The following EIF4EBP1 variants were observed in gnomAD, a reference collection of about 807,000 sequenced individuals.
The protein encoded by EIF4EBP1 is eukaryotic translation initiation factor 4E binding protein 1, also known as eukaryotic translation initiation factor 4E-binding protein 1.
Under a neutral mutation model 9.2 loss-of-function variants are expected in EIF4EBP1, and 5 were observed. That is an observed-to-expected ratio of 0.54 (90% confidence interval 0.28 to 1.14). EIF4EBP1 has a LOEUF of 1.14. EIF4EBP1 is among the 50% of genes most tolerant of loss of function. The pLI, the probability that EIF4EBP1 is intolerant of heterozygous loss-of-function variation, is 0.09. For missense variants in EIF4EBP1, 139 were observed against 169.6 expected (o/e 0.82, Z 1.00); for synonymous variants, 62 against 67.0 (o/e 0.93, Z 0.36).
chr8:38,049,320 GTGTATACCTGAAAATCCTATAAAGGA>G, intron 1 of EIF4EBP1, among the ~76,000 whole-genome samples: 1 of 151,898 alleles, frequency 6.6e-6, no homozygotes, highest in East Asian at 1.9e-4. Context: ...CCCTGTCCTT[GTGTATACCTGAAAATCCTATAAAGGA>G]TTTTCTCTTT....
intron 1 of EIF4EBP1, among the ~76,000 whole-genome samples, chr8:38,038,242 C>T (rs1809330272): frequency 6.6e-6 from 1 of 151,796 alleles, no homozygotes; most frequent in Admixed American, 6.6e-5. Flanking sequence ...GACACGGTGG[C>T]TCATGCCTGT....
At chr8:38,037,540 C>T (rs187629658) in intron 1 of EIF4EBP1, among the ~76,000 whole-genome samples, 9 of 151,964 alleles carry the variant, frequency 5.9e-5, no homozygotes, top group Admixed American at 3.9e-4. Flanking sequence ...GTCTCAATCT[C>T]CTGACCTTGT....
Position 38,060,174 on chromosome 8 carries a change from GC to G in EIF4EBP1, c.*241del. Reference sequence around the variant, plus strand: ...TGCCACCCCAAGGGGAGTGACCCCTGCCAGCACACCCTGCAGCCAAGGGCCA... The same window carrying G: ...TGCCACCCCAAGGGGAGTGACCCCTGCAGCACACCCTGCAGCCAAGGGCCA... On this transcript the variant is annotated 3_prime_UTR_variant, in exon 3 of 3. Coordinates refer to ENST00000338825, the MANE Select transcript of EIF4EBP1 (RefSeq NM_004095.4). 1 of 590,902 alleles carries G rather than the reference GC, an allele frequency of 1.7e-6. No homozygotes were observed. Among genetic ancestry groups the G allele is most frequent in the Non-Finnish European group, 3.0e-6 (1 of 330,292 alleles). 36.6% of individuals were successfully genotyped at this position (590,902 alleles called of 1,614,324 possible). A position where few individuals can be genotyped will look rare whatever the true frequency, so the allele number is the denominator to read the frequency against.
chr8:38,032,990 A>G (rs918358118), intron 1 of EIF4EBP1, among the ~76,000 whole-genome samples: 1 of 149,658 alleles, frequency 6.7e-6, no homozygotes, highest in African/African-American at 2.5e-5. Context: ...TGGGGGCTTC[A>G]TTTAAGTGCA....
intron 1 of EIF4EBP1, among the ~76,000 whole-genome samples, chr8:38,049,340 TA>T (rs1230728459): frequency 1.3e-5 from 2 of 152,010 alleles, no homozygotes; most frequent in East Asian, 3.8e-4. Context: ...GAAAATCCTA[TA>T]AAGGATTTTC....
intron 1 of EIF4EBP1, among the ~76,000 whole-genome samples, chr8:38,035,520 ATTATT>A (rs113130853): frequency 1.3e-5 from 2 of 150,308 alleles, no homozygotes; most frequent in African/African-American, 4.9e-5. Context: ...ACCCGGCCTT[ATTATT>A]TTATTTTATT....
intron 1 of EIF4EBP1, chr8:38,047,391 G>A (rs954713002): frequency 2.6e-5 from 4 of 152,110 alleles, no homozygotes; most frequent in African/African-American, 7.2e-5. Context: ...CAAATATGTG[G>A]GTAAGGATTA....
chr8:38,030,728 G>T lies in EIF4EBP1; in HGVS notation c.145+10G>T. 2.9e-6 allele frequency: 4 copies of T among 1,385,190 alleles called. No homozygotes were observed. Among genetic ancestry groups the T allele is most frequent in the Non-Finnish European group, 3.7e-6 (4 of 1,075,836 alleles). The allele number at this position is 1,385,190 out of a possible 1,614,324, so 85.8% of individuals were successfully genotyped here. A position where few individuals can be genotyped will look rare whatever the true frequency, so the allele number is the denominator to read the frequency against. The stretch of plus-strand genomic sequence containing the variant: ...AGCACCACCCCGGGAGGTAGGCGCG[G>T]GCTTGGCGACGCCGCTTGCCGGCTC... On this transcript the variant is annotated intron_variant, in intron 1 of 2. Coordinates refer to ENST00000338825, the MANE Select transcript of EIF4EBP1 (RefSeq NM_004095.4).
intron 1 of EIF4EBP1, among the ~76,000 whole-genome samples, chr8:38,036,431 C>T (rs571266038): frequency 1.4e-4 from 21 of 152,132 alleles, no homozygotes; most frequent in African/African-American, 3.9e-4. Context: ...GAGACTCACT[C>T]GAACGATTCT....
intron 1 of EIF4EBP1, among the ~76,000 whole-genome samples, chr8:38,042,607 G>C (rs896589672): frequency 2.0e-5 from 3 of 152,146 alleles, no homozygotes; most frequent in Non-Finnish European, 4.4e-5. Flanking sequence ...CTGCACATGG[G>C]CCTTCCTCTG....
chr8:38,052,820 T>G (rs1306102366), intron 1 of EIF4EBP1, among the ~76,000 whole-genome samples: 5 of 152,004 alleles, frequency 3.3e-5, no homozygotes, highest in African/African-American at 9.6e-5. Flanking sequence ...CCCAAAGTGC[T>G]GGGATTGCAG....
At position 38,046,120 on chromosome 8, in the gene EIF4EBP1, C is replaced by A. The variant is rs147692013; in HGVS notation, c.146-10961C>A. On this transcript the variant is annotated intron_variant, in intron 1 of 2. Transcript: ENST00000338825. ...GTTTCACCATGTTGGTCAGGCTGGT[C>A]TCAAACTCCTGACCTCAAGTGATCC... Among the ~76,000 whole-genome samples the A allele has an allele frequency of 3.7e-3, 563 of 152,246 alleles. 7 individuals are homozygous for A. Among genetic ancestry groups the A allele is most frequent in the African/African-American group, 0.013 (539 of 41,542 alleles).
Position 38,050,506 on chromosome 8 carries a change from C to T in EIF4EBP1, c.146-6575C>T, listed in dbSNP as rs578025256. 5.3e-5 allele frequency among the ~76,000 whole-genome samples: 8 copies of T among 152,124 alleles called. 1 individual carries two copies. Among genetic ancestry groups the T allele is most frequent in the South Asian group, 2.1e-4 (1 of 4,820 alleles). ...CTGGAACTACAGACGTGTGCCACCA[C>T]GCTTGGCTAATTTTTGTCTTTTTTG... On this transcript the variant is annotated intron_variant, in intron 1 of 2. Transcript: ENST00000338825.
intron 2 of EIF4EBP1, 101 bp from the exon 3 acceptor site, chr8:38,059,803 T>C: frequency 3.7e-6 from 4 of 1,088,710 alleles, no homozygotes; most frequent in Non-Finnish European, 5.5e-6. Flanking sequence ...TCTTTATAAA[T>C]TACCCAACCT....
At chr8:38,031,292 G>C (rs1172310717) in intron 1 of EIF4EBP1, among the ~76,000 whole-genome samples, 1 of 151,994 alleles carries the variant, frequency 6.6e-6, no homozygotes, top group Admixed American at 6.6e-5. Flanking sequence ...GGATCTCCGC[G>C]GGGGGGACCC....
At chr8:38,033,525 T>C (rs1272013626) in intron 1 of EIF4EBP1, among the ~76,000 whole-genome samples, 1 of 151,810 alleles carries the variant, frequency 6.6e-6, no homozygotes, top group Non-Finnish European at 1.5e-5. Flanking sequence ...CTTTGATCTC[T>C]AAATCGTGGT....
At chr8:38,033,238 G>A (rs1313812346) in intron 1 of EIF4EBP1, among the ~76,000 whole-genome samples, 1 of 151,392 alleles carries the variant, frequency 6.6e-6, no homozygotes, top group Non-Finnish European at 1.5e-5. Context: ...GCTGATTTTT[G>A]TATTTTTTGG....
chr8:38,057,090 T>C lies in EIF4EBP1; in HGVS notation c.155T>C (p.Ile52Thr). 4 of 1,614,128 alleles carry C rather than the reference T, an allele frequency of 2.5e-6. No individual in the cohort carries two copies. The highest frequency in any genetic ancestry group is 3.4e-6 in the Non-Finnish European group (4 of 1,179,990). Residue 52 changes from isoleucine (I) to threonine (T), a missense_variant, in exon 2 of 3, where the codon ATC becomes ACC. Transcript: ENST00000338825. ...CCCTGTTCCCTTCTAGGTACCAGGA[T>C]CATCTATGACCGGAAATTCCTGATG... ...LFSTTPGGTR[I>T]IYDRKFLMEC...
rs1196510135 is a variant in EIF4EBP1, at chr8:38,060,326, AAG to A, written c.*396_*397del. The A allele has an allele frequency of 1.1e-5, 3 of 281,566 alleles. No individual in the cohort carries two copies. In the Admixed American group the frequency reaches 1.4e-4, roughly 13 times the overall value. The allele number at this position is 281,566 out of a possible 1,614,324, so 17.4% of individuals were successfully genotyped here. On this transcript the variant is annotated 3_prime_UTR_variant, in exon 3 of 3. Transcript: ENST00000338825. ...GAAAGCTCCCTCCCCCTCCTTCCCC[AAG>A]AGAGGAAATAAAAGCCACCTTCGCC...
Sources: gnomAD v4.1 joint callset for allele counts (sites outside exome capture counted in the v4.1 genomes callset) on GRCh38, gnomAD v4.1.1 for gene constraint, MANE v1.5 for transcripts, NCBI Gene and HGNC (gene_info 2026-07-23, HGNC 2026-07-21) for gene names.